The following PKD1L1 variants were observed in gnomAD, a reference collection of about 807,000 sequenced individuals.
PKD1L1 encodes the protein polycystin-1-like protein 1.
In PKD1L1, 236 loss-of-function variants were observed where a neutral mutation model predicts 323.4. That is an observed-to-expected ratio of 0.73 (90% CI 0.66 to 0.81). The LOEUF (loss-of-function observed/expected upper bound fraction) is 0.81, where lower values mean the gene tolerates loss of function less well. Among genes scored for constraint, PKD1L1 ranks in the 40% least tolerant of loss-of-function variants. The probability of loss-of-function intolerance (pLI) is 0.00; values close to 1 mark genes in which losing one functional copy is unlikely to be tolerated. For synonymous variants in PKD1L1, 1,344 were observed against 1,335.0 expected (o/e 1.01, Z -0.15); for missense variants, 3,320 against 3,508.0 (o/e 0.95, Z 1.35).
At chr7:47,904,929 T>C (rs1787171223) in intron 11 of PKD1L1, among the ~76,000 whole-genome samples, 1 of 152,188 alleles carries the variant, frequency 6.6e-6, no homozygotes, top group Non-Finnish European at 1.5e-5. Context: ...AACCTAGGAC[T>C]GTCTGCTTCA....
rs769345180 is a variant in PKD1L1 at position 47,803,281 on chromosome 7, C to T, written c.7891G>A (p.Gly2631Ser). Residue 2631 changes from glycine (G) to serine (S), a missense_variant, in exon 53 of 57, where the codon GGC becomes AGC. Coordinates refer to ENST00000289672, the MANE Select transcript of PKD1L1 (RefSeq NM_138295.5). The stretch of plus-strand genomic sequence containing the variant: ...CAGGATGCCATTGTGTTTTGAATGC[C>T]AGGAAGATAGACGCATTTTAATGTG... ...LFTLKCVYLPGIQNTMASCSS... is the reference protein window; with the variant it reads ...LFTLKCVYLPSIQNTMASCSS... 9.9e-6 allele frequency: 16 copies of T among 1,613,964 alleles called. No individual in the cohort carries two copies. Among genetic ancestry groups the T allele is most frequent in the Non-Finnish European group, 1.4e-5 (16 of 1,180,042 alleles).
intron 26 of PKD1L1, among the ~76,000 whole-genome samples, chr7:47,862,022 C>G (rs1198039205): frequency 6.6e-6 from 1 of 151,704 alleles, no homozygotes; most frequent in East Asian, 1.9e-4. Context: ...AGGTGAAACC[C>G]TGTCTCTATT....
chr7:47,954,154 C>T, the PKD1L1 span, among the ~76,000 whole-genome samples: 10 of 152,288 alleles, frequency 6.6e-5, no homozygotes, highest in South Asian at 4.1e-4. Flanking sequence ...CGCTAAGACA[C>T]GCCAACCAAA....
At chr7:47,836,649 C>CTCTCTGGAGGCTTT (rs1159967197) in intron 37 of PKD1L1, among the ~76,000 whole-genome samples, 1 of 152,226 alleles carries the variant, frequency 6.6e-6, no homozygotes, top group Non-Finnish European at 1.5e-5. Flanking sequence ...GGCTGCCAGC[C>CTCTCTGGAGGCTTT]TCTCTGGAAA....
Position 47,813,311 on chromosome 7 carries a change from A to AGTCAG in PKD1L1, c.7174-23_7174-19dup, listed in dbSNP as rs1290116012. ...CTGGGAGGCTGCAGAACAAACCAGC[A>AGTCAG]GTCAGAAGACACAGATACTATTCCC... is the stretch of plus-strand genomic sequence containing the variant. On this transcript the variant is annotated intron_variant, in intron 48 of 56. Coordinates refer to ENST00000289672, the MANE Select transcript of PKD1L1 (RefSeq NM_138295.5). 4.3e-6 allele frequency: 7 copies of AGTCAG among 1,613,412 alleles called. No individual in the cohort carries two copies. The highest frequency in any genetic ancestry group is 5.9e-6 in the Non-Finnish European group (7 of 1,179,764).
Position 47,865,446 on chromosome 7 carries a change from T to C in PKD1L1, c.4093-174A>G, listed in dbSNP as rs7782964. 0.13 allele frequency among the ~76,000 whole-genome samples: 20,054 copies of C among 152,144 alleles called. 1,505 individuals carry two copies. Among genetic ancestry groups the C allele is most frequent in the African/African-American group, 0.19 (8,003 of 41,490 alleles). On this transcript the variant is annotated intron_variant, in intron 25 of 56. Coordinates refer to ENST00000289672, the MANE Select transcript of PKD1L1 (RefSeq NM_138295.5). ...GTACAGAGACCATTACTGTTGTCTC[T>C]GGTTTTCCTTGGAATCCAGCATCTC...
At chr7:47,948,726 G>A (rs150722728), upstream of PKD1L1, among the ~76,000 whole-genome samples, 670 of 152,352 alleles carry the variant, frequency 4.4e-3, 2 homozygotes, top group Middle Eastern at 0.02. Flanking sequence ...GGGAGGCCAA[G>A]GTGGGTGGAT....
rs1252151116 is a variant in PKD1L1, at chr7:47,884,581, C to T, written c.3265+17G>A. 6.2e-7 allele frequency: 1 copy of T among 1,611,386 alleles called. No homozygotes were observed. The highest frequency in any genetic ancestry group is 1.1e-5 in the South Asian group (1 of 91,002). On this transcript the variant is annotated intron_variant, in intron 19 of 56. Transcript: ENST00000289672. ...GAGCTGAGTGGAGAGAGGCAGCAGG[C>T]ATAGAAGCACAGTCACCTGGCTGTC...
Position 47,839,681 on chromosome 7 carries a change from G to A in PKD1L1, c.5553-19C>T. ...AGGAGCGCTGGAGGCACACACAGCA[G>A]CATCTCAGCCGGGTGGGTGACAGTG... On this transcript the variant is annotated intron_variant, in intron 35 of 56. Coordinates refer to ENST00000289672, the MANE Select transcript of PKD1L1 (RefSeq NM_138295.5). The surrounding 1 kb of genome is among the most constrained non-coding windows in gnomAD (Gnocchi z 4.3). 3 of 1,554,246 alleles carry A rather than the reference G, an allele frequency of 1.9e-6. No individual in the cohort carries two copies. The highest frequency in any genetic ancestry group is 2.6e-6 in the Non-Finnish European group (3 of 1,148,174).
At chr7:47,815,121 G>A (rs1441582042) in intron 47 of PKD1L1, among the ~76,000 whole-genome samples, 3 of 152,164 alleles carry the variant, frequency 2.0e-5, no homozygotes, top group South Asian at 2.1e-4. Context: ...ATCCCGTGCA[G>A]CTCAGCAGGG....
At position 47,858,686 on chromosome 7, in the gene PKD1L1, G is replaced by A; in HGVS notation, c.4349C>T (p.Ser1450Leu). 1 of 1,612,146 alleles carries A rather than the reference G, an allele frequency of 6.2e-7. No homozygotes were observed. The highest frequency in any genetic ancestry group is 8.5e-7 in the Non-Finnish European group (1 of 1,178,218). Reference sequence around the variant, plus strand: ...AGTGTGACTTACCAACAATAAATCTGAGATGACTGTAATTCCTTCTTCATG... The same window carrying A: ...AGTGTGACTTACCAACAATAAATCTAAGATGACTGTAATTCCTTCTTCATG... ...YRHEEGITVI[S>L]DLLLGCLSLN... Residue 1450 changes from serine to leucine, a missense_variant, in exon 27 of 57, where the codon TCA (serine) becomes TTA (leucine). Transcript: ENST00000289672.
At chr7:47,903,216 A>G (rs2128750782) in intron 12 of PKD1L1, among the ~76,000 whole-genome samples, 1 of 152,290 alleles carries the variant, frequency 6.6e-6, no homozygotes. Flanking sequence ...GAAGACCACA[A>G]ATTTGAGTTT....
intron 2 of PKD1L1, among the ~76,000 whole-genome samples, chr7:47,943,163 A>ATAT (rs1488130702): frequency 8.8e-5 from 3 of 34,142 alleles, no homozygotes; most frequent in African/African-American, 3.1e-4. Context: ...AAAAAAAAAA[A>ATAT]ATATATATAT....
At chr7:47,785,476 T>C (rs1786785585) in intron 56 of PKD1L1, among the ~76,000 whole-genome samples, 1 of 152,178 alleles carries the variant, frequency 6.6e-6, no homozygotes, top group Non-Finnish European at 1.5e-5. Context: ...ACTTACAGCA[T>C]GCAGACACGA....
At chr7:47,897,913 G>T in intron 14 of PKD1L1, 75 bp downstream of exon 14, 2 of 1,226,810 alleles carry the variant, frequency 1.6e-6, no homozygotes, top group Non-Finnish European at 2.2e-6. Flanking sequence ...AATTCCAAAT[G>T]CTGAGCTCTT....
intron 8 of PKD1L1, among the ~76,000 whole-genome samples, chr7:47,911,087 T>C (rs567661629): frequency 6.6e-6 from 1 of 152,242 alleles, no homozygotes; most frequent in African/African-American, 2.4e-5. Context: ...ATACCCAAAG[T>C]TGGAGGTAGA....
At chr7:47,934,592 A>G (rs1015397881) in intron 4 of PKD1L1, among the ~76,000 whole-genome samples, 1 of 152,216 alleles carries the variant, frequency 6.6e-6, no homozygotes, top group Non-Finnish European at 1.5e-5. Flanking sequence ...GAAAACAACA[A>G]CAACAAACCT....
chr7:47,858,710 T>G lies in PKD1L1; in HGVS notation c.4325A>C (p.His1442Pro). The G allele has an allele frequency of 6.2e-7, 1 of 1,614,038 alleles. No individual in the cohort carries two copies. The highest frequency in any genetic ancestry group is 2.2e-5 in the East Asian group (1 of 44,880). ...TGAGATGACTGTAATTCCTTCTTCA[T>G]GTCGATAGACTTCCTCCTTCGAGTT... ...QENSKEEVYR[H>P]EEGITVISDL... Residue 1442 changes from histidine (H) to proline (P), a missense_variant, in exon 27 of 57, where the codon CAT becomes CCT. By Grantham distance (77) the His-to-Pro change is moderately conservative. Transcript: ENST00000289672.
chr7:47,960,513 C>T, the PKD1L1 span, among the ~76,000 whole-genome samples: 10 of 147,786 alleles, frequency 6.8e-5, no homozygotes, highest in South Asian at 4.3e-4. Context: ...CAGAAATTAA[C>T]GTAAAATCAA....
Sources: allele counts gnomAD v4.1 joint callset (sites outside exome capture counted in the v4.1 genomes callset), GRCh38; gene constraint gnomAD v4.1.1; non-coding constraint Gnocchi (gnomAD v3.1); transcripts MANE v1.5; gene names NCBI Gene and HGNC (gene_info 2026-07-23, HGNC 2026-07-21).